The following USP47 variants were observed in gnomAD, a reference collection of about 807,000 sequenced individuals.
USP47 encodes the protein ubiquitin carboxyl-terminal hydrolase 47.
USP47 carries 35 observed loss-of-function variants against 165.1 expected under a neutral mutation model. The observed-to-expected ratio is 0.21, with a 90% CI of 0.16 to 0.28. The LOEUF (loss-of-function observed/expected upper bound fraction) is 0.28, where lower values mean the gene tolerates loss of function less well. USP47 is among the 10% of genes least tolerant of loss of function. The pLI, the probability that USP47 is intolerant of heterozygous loss-of-function variation, is 1.00. For missense variants in USP47, 1,277 were observed against 1,607.4 expected, an observed-to-expected ratio of 0.79 and a Z score of 3.52; for synonymous variants, 531 against 544.5, an observed-to-expected ratio of 0.98 and a Z score of 0.35.
intron 14 of USP47, 120 bp downstream of exon 14, chr11:11,930,871 A>G: frequency 1.4e-6 from 1 of 692,734 alleles, no homozygotes; most frequent in Non-Finnish European, 2.3e-6. Flanking sequence ...TTATGCCTGG[A>G]AGAATTATTT....
At chr11:11,935,118 A>G (rs1854959593) in intron 16 of USP47, among the ~76,000 whole-genome samples, 1 of 152,120 alleles carries the variant, frequency 6.6e-6, no homozygotes. Flanking sequence ...AGGCATAGTC[A>G]AGTTTGAGAA....
intron 4 of USP47, among the ~76,000 whole-genome samples, chr11:11,897,172 G>T (rs2134414251): frequency 6.6e-6 from 1 of 151,128 alleles, no homozygotes; most frequent in South Asian, 2.1e-4. Context: ...TTTCTACACT[G>T]GATGTGTGTG....
intron 3 of USP47, among the ~76,000 whole-genome samples, chr11:11,888,616 C>T (rs1489139597): frequency 6.6e-6 from 1 of 152,072 alleles, no homozygotes; most frequent in African/African-American, 2.4e-5. Flanking sequence ...TGAATTCTAC[C>T]AGAGGTACAA....
intron 8 of USP47, among the ~76,000 whole-genome samples, chr11:11,914,230 T>C (rs1328270471): frequency 6.6e-6 from 1 of 151,810 alleles, no homozygotes; most frequent in Non-Finnish European, 1.5e-5. Context: ...TGGAGTAGAA[T>C]AGAAAACCCA....
chr11:11,953,466 A>G (rs1177709146), intron 25 of USP47, among the ~76,000 whole-genome samples: 2 of 152,114 alleles, frequency 1.3e-5, no homozygotes, highest in African/African-American at 2.4e-5. Flanking sequence ...AAATATTTTC[A>G]TATTCCTGGA....
intron 17 of USP47, among the ~76,000 whole-genome samples, chr11:11,937,284 C>T (rs1855139399): frequency 1.3e-5 from 2 of 151,884 alleles, no homozygotes; most frequent in Non-Finnish European, 1.5e-5. Context: ...TTGGCCCTAA[C>T]TCCTTTGCAT....
In USP47 at chr11:11,903,270, G is replaced by A; in HGVS notation, c.747G>A (p.Gln249=). The A allele has an allele frequency of 2.5e-6, 4 of 1,607,662 alleles. No individual in the cohort carries two copies. Among genetic ancestry groups the A allele is most frequent in the Non-Finnish European group, 2.5e-6 (3 of 1,176,734 alleles). ...SFGWDSSEAW[Q]QHDVQELCRV... The stretch of plus-strand genomic sequence containing the variant: ...AATTTTATCTTAAAACAGCTTGGCA[G>A]CAGCATGATGTACAAGAACTATGCA... The change falls in exon 7 of 28, where the codon CAG becomes CAA. Residue 249 remains glutamine, a synonymous_variant. Transcript: ENST00000527733.
chr11:11,846,953 C>T (rs560421882), intron 1 of USP47, among the ~76,000 whole-genome samples: 5 of 152,094 alleles, frequency 3.3e-5, no homozygotes, highest in East Asian at 3.9e-4. Context: ...AAGTTATACC[C>T]GCCAGCGTTT....
At chr11:11,868,059 T>C (rs1210935395) in intron 1 of USP47, among the ~76,000 whole-genome samples, 1 of 152,188 alleles carries the variant, frequency 6.6e-6, no homozygotes, top group Non-Finnish European at 1.5e-5. Context: ...GAATAGACAA[T>C]GTTTTATTAA....
At chr11:11,936,216 G>C (rs147727862) in intron 16 of USP47, 87 bp from the exon 17 acceptor site, 2 of 701,658 alleles carry the variant, frequency 2.9e-6, no homozygotes, top group Non-Finnish European at 3.8e-6. Flanking sequence ...TTCCCCAACA[G>C]ACTAAAACAC....
intron 13 of USP47, among the ~76,000 whole-genome samples, chr11:11,930,368 CA>C (rs1330846966): frequency 6.6e-6 from 1 of 152,110 alleles, no homozygotes. Context: ...ATATGGCCTG[CA>C]AAGCCTGTGA....
At position 11,954,931 on chromosome 11, in the gene USP47, T is replaced by C. The variant is rs202075986; in HGVS notation, c.3749T>C (p.Ile1250Thr). 199 of 1,613,856 alleles carry C rather than the reference T, an allele frequency of 1.2e-4. No homozygotes were observed. The highest frequency in any genetic ancestry group is 1.4e-4 in the Non-Finnish European group (162 of 1,179,980). The change falls in exon 26 of 28, where the codon ATT (isoleucine) becomes ACT (threonine). Residue 1250 changes from isoleucine (I) to threonine (T), a missense_variant. Transcript: ENST00000527733. Reference sequence around the variant, plus strand: ...ATCAGTGGGATTCCTTTGGATGATATTGAATTTGCTAAGGTAAAGCCCTGA... The same window carrying C: ...ATCAGTGGGATTCCTTTGGATGATACTGAATTTGCTAAGGTAAAGCCCTGA... ...SEISGIPLDD[I>T]EFAKGRGTFP...
rs1195084393 is a variant in USP47, at chr11:11,844,347, G to T, written c.39+2123G>T. Among the ~76,000 whole-genome samples, 12 of 151,936 alleles carry T rather than the reference G, an allele frequency of 7.9e-5. No homozygotes were observed. In the East Asian group the frequency reaches 1.9e-3, roughly 24 times the overall value. The stretch of plus-strand genomic sequence containing the variant: ...CTCTTCTTTTTTGTATTCTTAATTG[G>T]CACTTTTGTGTGATCCTTGAAGCTC... On this transcript the variant is annotated intron_variant, in intron 1 of 27. Transcript: ENST00000527733.
intron 8 of USP47, among the ~76,000 whole-genome samples, chr11:11,912,829 T>A (rs1853100560): frequency 6.6e-6 from 1 of 152,124 alleles, no homozygotes; most frequent in South Asian, 2.1e-4. Context: ...CTAGGATTGA[T>A]TTCCGGGATT....
At chr11:11,873,860 G>A (rs1850228520) in intron 1 of USP47, 4 of 1,478,392 alleles carry the variant, frequency 2.7e-6, no homozygotes, top group East Asian at 2.6e-5. Flanking sequence ...ATTTTTACAG[G>A]TAGACTGCTG....
Position 11,902,875 on chromosome 11 carries a change from G to A in USP47, c.739+15G>A, listed in dbSNP as rs978784649. The A allele has an allele frequency of 3.4e-5, 52 of 1,543,236 alleles. No homozygotes were observed. The highest frequency in any genetic ancestry group is 4.4e-5 in the Non-Finnish European group (51 of 1,150,150). On this transcript the variant is annotated intron_variant, in intron 6 of 27. Coordinates refer to ENST00000527733, the MANE Select transcript of USP47 (RefSeq NM_001282659.2). ...TAGTAGTGAGGGTACTAATTCTCTTGTAATGATAAGCGTTCTAATATTCAA... is the reference window on the plus strand; with the variant it reads ...TAGTAGTGAGGGTACTAATTCTCTTATAATGATAAGCGTTCTAATATTCAA...
intron 1 of USP47, among the ~76,000 whole-genome samples, chr11:11,874,485 T>G (rs541663463): frequency 1.3e-5 from 2 of 152,266 alleles, no homozygotes; most frequent in Non-Finnish European, 2.9e-5. Flanking sequence ...TTTTTTAATG[T>G]AAGTTAGGAC....
chr11:11,850,382 A>T (rs1848656969), intron 1 of USP47, among the ~76,000 whole-genome samples: 1 of 143,218 alleles, frequency 7.0e-6, no homozygotes, highest in Non-Finnish European at 1.5e-5. Flanking sequence ...TATTTCTGCT[A>T]TAATATGTAT....
At chr11:11,917,595 G>A (rs1324674797) in intron 8 of USP47, among the ~76,000 whole-genome samples, 1 of 112,666 alleles carries the variant, frequency 8.9e-6, no homozygotes, top group Non-Finnish European at 1.6e-5. Context: ...GAATAAAGGA[G>A]ACCATTTAAA....
Sources: gnomAD v4.1 joint callset for allele counts (sites outside exome capture counted in the v4.1 genomes callset) on GRCh38, gnomAD v4.1.1 for gene constraint, MANE v1.5 for transcripts, NCBI Gene and HGNC (gene_info 2026-07-23, HGNC 2026-07-21) for gene names.